MTRF1: variants seen among roughly 807,000 people sequenced by gnomAD.
MTRF1 encodes mitochondrial translation release factor 1, also known as peptide chain release factor 1, mitochondrial.
A neutral mutation model predicts 62.9 loss-of-function variants in MTRF1; 51 were observed. That is an observed-to-expected ratio of 0.81 (90% CI 0.65 to 1.02). The LOEUF (loss-of-function observed/expected upper bound fraction) is 1.02. Ranked by LOEUF, MTRF1 falls within the 50% of genes least tolerant of loss-of-function variation. MTRF1 has a pLI of 0.00. For missense variants in MTRF1, 446 were observed against 530.0 expected, an observed-to-expected ratio of 0.84 and a Z score of 1.56; for synonymous variants, 158 against 181.9, an observed-to-expected ratio of 0.87 and a Z score of 1.06.
chr13:41,246,386 G>T (rs1206756040), intron 5 of MTRF1, among the ~76,000 whole-genome samples: 1 of 152,074 alleles, frequency 6.6e-6, no homozygotes, highest in African/African-American at 2.4e-5. Context: ...TACTGCAGCT[G>T]CCATCTTCCT....
the MTRF1 span, among the ~76,000 whole-genome samples, chr13:41,310,801 G>A: frequency 6.6e-6 from 1 of 152,160 alleles, no homozygotes; most frequent in Non-Finnish European, 1.5e-5. Context: ...TTCATCAAAA[G>A]TCTACTTTGC....
upstream of MTRF1, among the ~76,000 whole-genome samples, chr13:41,263,973 A>G (rs1306932204): frequency 6.6e-6 from 1 of 152,208 alleles, no homozygotes; most frequent in Non-Finnish European, 1.5e-5. Flanking sequence ...CTGCAAACCT[A>G]GAAGAGAGAT....
chr13:41,226,060 T>G (rs1321374272), intron 8 of MTRF1, among the ~76,000 whole-genome samples: 3 of 152,178 alleles, frequency 2.0e-5, no homozygotes, highest in African/African-American at 7.2e-5. Flanking sequence ...TTGTATTTGA[T>G]CTCACATAGA....
At chr13:41,226,839 C>T (rs2034519156) in intron 7 of MTRF1, among the ~76,000 whole-genome samples, 1 of 152,144 alleles carries the variant, frequency 6.6e-6, no homozygotes, top group South Asian at 2.1e-4. Flanking sequence ...CCGAGCTTGG[C>T]CTCTTCCTCC....
At chr13:41,243,461 T>C (rs1437725568) in intron 5 of MTRF1, among the ~76,000 whole-genome samples, 1 of 149,838 alleles carries the variant, frequency 6.7e-6, no homozygotes, top group Non-Finnish European at 1.5e-5. Context: ...TCTTCTCCTA[T>C]AATGCAACCT....
intron 6 of MTRF1, 35 bp from the exon 7 acceptor site, chr13:41,234,042 G>T: frequency 7.0e-7 from 1 of 1,421,166 alleles, no homozygotes; most frequent in Non-Finnish European, 9.9e-7. Context: ...TCTACACTCC[G>T]TGAATACTTT....
At chr13:41,296,548 T>C in the MTRF1 span, among the ~76,000 whole-genome samples, 1 of 152,188 alleles carries the variant, frequency 6.6e-6, no homozygotes, top group African/African-American at 2.4e-5. Flanking sequence ...ATTAAATTAT[T>C]TGGTAAATTG....
the MTRF1 span, among the ~76,000 whole-genome samples, chr13:41,298,749 CT>C: frequency 1.4e-4 from 21 of 152,330 alleles, no homozygotes; most frequent in Middle Eastern, 3.4e-3. Flanking sequence ...TTAAGTTCTA[CT>C]TTTGAACCAT....
Position 41,248,668 on chromosome 13 carries a change from G to A in MTRF1, c.697+3977C>T, listed in dbSNP as rs74045911. On this transcript the variant is annotated intron_variant, in intron 5 of 9. Transcript: ENST00000379480. ...ATGTTTCTCGCAGTTGTGGTGAAAG[G>A]TGAGTCATGTGGACACATAAAATTC... is the stretch of plus-strand genomic sequence containing the variant. 6.8e-3 allele frequency among the ~76,000 whole-genome samples: 1,032 copies of A among 152,324 alleles called. 9 individuals are homozygous for A. The highest frequency in any genetic ancestry group is 0.023 in the African/African-American group (974 of 41,584).
chr13:41,225,625 G>T (rs1446944585), intron 8 of MTRF1, among the ~76,000 whole-genome samples: 2 of 151,692 alleles, frequency 1.3e-5, no homozygotes, highest in Non-Finnish European at 2.9e-5. Flanking sequence ...TATCCTAAAA[G>T]GCCACAAAAT....
chr13:41,223,275 T>C lies in MTRF1; in HGVS notation c.1205A>G (p.Tyr402Cys), dbSNP rs2033771402. 6.2e-7 allele frequency: 1 copy of C among 1,613,506 alleles called. No individual in the cohort carries two copies. Among genetic ancestry groups the C allele is most frequent in the Non-Finnish European group, 8.5e-7 (1 of 1,179,568 alleles). The change falls in exon 9 of 10, where the codon TAT becomes TGT. Residue 402 changes from tyrosine (Y) to cysteine (C), a missense_variant. Transcript: ENST00000379480. ...TATTACCTTAATATCACGAACTTCA[T>C]ATGCTATCCTGTGGTCACTGACTCT... ...QDRVSDHRIA[Y>C]EVRDIKEFLC...
At chr13:41,217,826 C>G (rs1422815195) in intron 9 of MTRF1, among the ~76,000 whole-genome samples, 2 of 152,216 alleles carry the variant, frequency 1.3e-5, no homozygotes, top group African/African-American at 4.8e-5. Context: ...TTCAAGCTCA[C>G]CCTTCTGCTA....
chr13:41,311,247 C>T, the MTRF1 span: 1 of 523,544 alleles, frequency 1.9e-6, no homozygotes, highest in African/African-American at 2.0e-5. Flanking sequence ...GCTCGGGAGG[C>T]GGACCCTGGC....
At chr13:41,300,902 G>A in the MTRF1 span, among the ~76,000 whole-genome samples, 1 of 152,192 alleles carries the variant, frequency 6.6e-6, no homozygotes, top group Admixed American at 6.6e-5. Context: ...TTGCCTGGGT[G>A]CAGGGGGCAT....
At chr13:41,272,003 A>T in the MTRF1 span, among the ~76,000 whole-genome samples, 1 of 152,150 alleles carries the variant, frequency 6.6e-6, no homozygotes. Context: ...CTTCCTGTAA[A>T]CTGTGCTCAG....
intron 2 of MTRF1, among the ~76,000 whole-genome samples, chr13:41,255,937 T>TA (rs1378865383): frequency 1.3e-5 from 2 of 152,044 alleles, no homozygotes; most frequent in African/African-American, 4.8e-5. Context: ...CAAATTGAGG[T>TA]AAAAAATTCC....
the MTRF1 span, among the ~76,000 whole-genome samples, chr13:41,295,945 AT>A: frequency 8.0e-5 from 12 of 149,930 alleles, no homozygotes; most frequent in Non-Finnish European, 1.2e-4. Context: ...AGCTAATTAA[AT>A]TTTTTTTTCA....
the MTRF1 span, among the ~76,000 whole-genome samples, chr13:41,273,281 G>C: frequency 0.033 from 4,950 of 151,000 alleles, 103 homozygotes; most frequent in African/African-American, 0.038. Flanking sequence ...AGCCGAGATC[G>C]CGCCACTGCA....
chr13:41,263,327 A>C, intron 1 of MTRF1, 158 bp downstream of exon 1: 1 of 1,288,954 alleles, frequency 7.8e-7, no homozygotes, highest in South Asian at 1.2e-5. Flanking sequence ...TATTACTCTG[A>C]TGCTTTGGGG....
Sources: gnomAD v4.1 joint callset for allele counts (sites outside exome capture counted in the v4.1 genomes callset) on GRCh38, gnomAD v4.1.1 for gene constraint, MANE v1.5 for transcripts, NCBI Gene and HGNC (gene_info 2026-07-23, HGNC 2026-07-21) for gene names.